UBR3: variants seen among roughly 807,000 people sequenced by gnomAD.
UBR3 encodes E3 ubiquitin-protein ligase UBR3.
Under a neutral mutation model 243.2 loss-of-function variants are expected in UBR3, and 85 were observed. The observed-to-expected ratio is 0.35, with a 90% CI of 0.29 to 0.42. The LOEUF (loss-of-function observed/expected upper bound fraction) is 0.42. UBR3 is among the 10% of genes least tolerant of loss of function. The pLI, the probability that UBR3 is intolerant of heterozygous loss-of-function variation, is 1.00. For synonymous variants in UBR3, 748 were observed against 799.8 expected, an observed-to-expected ratio of 0.94 and a Z score of 1.09; for missense variants, 1,686 against 2,300.8, an observed-to-expected ratio of 0.73 and a Z score of 5.47.
chr2:169,949,424 G>A, intron 22 of UBR3, 181 bp from the exon 23 acceptor site: 1 of 546,878 alleles, frequency 1.8e-6, no homozygotes. Flanking sequence ...TCTAGATTGA[G>A]TGGGATTAAA....
intron 31 of UBR3, among the ~76,000 whole-genome samples, chr2:170,032,354 T>A (rs2090695438): frequency 6.6e-6 from 1 of 152,096 alleles, no homozygotes; most frequent in Admixed American, 6.6e-5. Flanking sequence ...TCATAGTCTT[T>A]ATAATAAATG....
intron 30 of UBR3, among the ~76,000 whole-genome samples, chr2:170,024,539 CAT>C (rs1491553650): frequency 1.3e-5 from 2 of 151,600 alleles, no homozygotes; most frequent in Admixed American, 6.6e-5. Context: ...TATCTGTGTG[CAT>C]GTGTGTGTGT....
chr2:170,065,329 C>G (rs756111070), intron 35 of UBR3, among the ~76,000 whole-genome samples: 1 of 152,004 alleles, frequency 6.6e-6, no homozygotes, highest in Non-Finnish European at 1.5e-5. Flanking sequence ...CTCTGTTGCC[C>G]AGGCTGGAGT....
At position 170,080,565 on chromosome 2, in the gene UBR3, A is replaced by G; in HGVS notation, c.5430A>G (p.Ala1810=). The change falls in exon 38 of 39, where the codon GCA becomes GCG. Residue 1810 remains alanine (A), a synonymous_variant. Coordinates refer to ENST00000272793, the MANE Select transcript of UBR3 (RefSeq NM_172070.4). ...TTTAGCACTCTCAGAACTGTGGTGC[A>G]GGAACAGGTATTTTCCTTTTGATCA... The part of the protein sequence containing the change: ...ECVLHSQNCG[A]GTGIFLLINA... The G allele has an allele frequency of 6.2e-7, 1 of 1,613,468 alleles. No individual in the cohort carries two copies. The highest frequency in any genetic ancestry group is 8.5e-7 in the Non-Finnish European group (1 of 1,179,668).
chr2:170,023,431 A>G (rs1163932154), intron 30 of UBR3, among the ~76,000 whole-genome samples: 1 of 150,168 alleles, frequency 6.7e-6, no homozygotes, highest in Admixed American at 6.6e-5. Flanking sequence ...TTTTTTTGAG[A>G]CGGAGTCTCA....
At chr2:169,907,693 T>G (rs1469307217) in intron 10 of UBR3, among the ~76,000 whole-genome samples, 3 of 152,160 alleles carry the variant, frequency 2.0e-5, no homozygotes, top group Non-Finnish European at 2.9e-5. Context: ...ATAACATCTG[T>G]TTTTCCTATA....
At chr2:169,978,461 G>C (rs566891454) in intron 24 of UBR3, among the ~76,000 whole-genome samples, 1 of 152,108 alleles carries the variant, frequency 6.6e-6, no homozygotes, top group Admixed American at 6.6e-5. Flanking sequence ...TACCCCGGGG[G>C]AACAGGTCAC....
At chr2:170,066,924 A>G (rs2091581771) in intron 35 of UBR3, among the ~76,000 whole-genome samples, 1 of 150,538 alleles carries the variant, frequency 6.6e-6, no homozygotes, top group African/African-American at 2.4e-5. Context: ...AGATCGCGCC[A>G]CCGCACTCCA....
chr2:169,898,658 T>C (rs948935982), intron 8 of UBR3, among the ~76,000 whole-genome samples: 1 of 149,854 alleles, frequency 6.7e-6, no homozygotes. Flanking sequence ...TTAAAGAATA[T>C]ACTTCTTCAC....
chr2:169,837,942 A>G (rs1391636650), intron 1 of UBR3, among the ~76,000 whole-genome samples: 3 of 152,222 alleles, frequency 2.0e-5, no homozygotes, highest in African/African-American at 7.2e-5. Context: ...TAAGTTCTCT[A>G]TTGTATTGAT....
intron 29 of UBR3, chr2:170,015,061 C>T: frequency 2.7e-6 from 1 of 365,598 alleles, no homozygotes; most frequent in Non-Finnish European, 4.9e-6. Context: ...CAATTTTTTG[C>T]AGGTGTAAAT....
At chr2:169,944,863 G>A (rs556273612) in intron 20 of UBR3, among the ~76,000 whole-genome samples, 4 of 152,128 alleles carry the variant, frequency 2.6e-5, no homozygotes, top group Non-Finnish European at 4.4e-5. Context: ...GGGGTCTGAG[G>A]TCTGTGTTCT....
intron 1 of UBR3, among the ~76,000 whole-genome samples, chr2:169,830,782 G>C (rs540886934): frequency 6.6e-6 from 1 of 151,686 alleles, no homozygotes; most frequent in Admixed American, 6.6e-5. Context: ...CTGATATTTA[G>C]ACATTTTTAC....
Position 169,890,563 on chromosome 2 carries a change from A to ATATATATATGTGTGTG in UBR3, c.1039-601_1039-600insATATATATGTGTGTGT, listed in dbSNP as rs1255881148. 4.7e-3 allele frequency among the ~76,000 whole-genome samples: 391 copies of ATATATATATGTGTGTG among 83,540 alleles called. 8 individuals carry two copies. The highest frequency in any genetic ancestry group is 7.3e-3 in the Non-Finnish European group (307 of 41,970). 54.8% of individuals were successfully genotyped at this position (83,540 alleles called of 152,430 possible). On this transcript the variant is annotated intron_variant, in intron 5 of 38. Coordinates refer to ENST00000272793, the MANE Select transcript of UBR3 (RefSeq NM_172070.4). ...GAGATATATATATATATATATATATATGTGTATATATATATATGTATATAT... is the reference window on the plus strand; with the variant it reads ...GAGATATATATATATATATATATATATATATATATGTGTGTGTGTGTATATATATATATGTATATAT...
chr2:169,881,777 TAA>T (rs2083847218), intron 5 of UBR3, among the ~76,000 whole-genome samples: 1 of 139,834 alleles, frequency 7.2e-6, no homozygotes, highest in Non-Finnish European at 1.5e-5. Context: ...ATATATAATA[TAA>T]TATATATGTA....
intron 24 of UBR3, among the ~76,000 whole-genome samples, chr2:169,974,786 G>T (rs1339017789): frequency 6.6e-6 from 1 of 151,886 alleles, no homozygotes; most frequent in Non-Finnish European, 1.5e-5. Flanking sequence ...TTCAATGTAG[G>T]TGTTTATTGC....
chr2:169,968,601 T>C (rs2087935925), intron 24 of UBR3, among the ~76,000 whole-genome samples: 1 of 152,182 alleles, frequency 6.6e-6, no homozygotes, highest in African/African-American at 2.4e-5. Flanking sequence ...TGTTCATCTG[T>C]TGATAGAAAC....
intron 30 of UBR3, among the ~76,000 whole-genome samples, chr2:170,018,325 CTCT>C (rs1338070962): frequency 6.6e-6 from 1 of 152,156 alleles, no homozygotes; most frequent in Non-Finnish European, 1.5e-5. Flanking sequence ...TACCAGTTAG[CTCT>C]TCTTTATTCC....
chr2:169,841,530 G>A (rs1397750710), intron 1 of UBR3, among the ~76,000 whole-genome samples: 1 of 152,222 alleles, frequency 6.6e-6, no homozygotes, highest in Non-Finnish European at 1.5e-5. Flanking sequence ...GGGAGGTGTG[G>A]AGGGAGAGGC....
Sources: allele counts gnomAD v4.1 joint callset (sites outside exome capture counted in the v4.1 genomes callset), GRCh38; gene constraint gnomAD v4.1.1; transcripts MANE v1.5; gene names NCBI Gene and HGNC (gene_info 2026-07-23, HGNC 2026-07-21).